Variants in ARHGAP6 observed in about 807,000 individuals in gnomAD.
The protein encoded by ARHGAP6 is Rho GTPase activating protein 6, also known as rho GTPase-activating protein 6.
In ARHGAP6, 16 loss-of-function variants were observed where a neutral mutation model predicts 55.7. That is an observed-to-expected ratio of 0.29 (90% CI 0.19 to 0.44). ARHGAP6 has a LOEUF of 0.44. Among genes scored for constraint, ARHGAP6 ranks in the 20% least tolerant of loss-of-function variants. The pLI is 1.00. For synonymous variants in ARHGAP6, 382 were observed against 360.9 expected, an observed-to-expected ratio of 1.06 and a Z score of -0.66; for missense variants, 698 against 808.9, an observed-to-expected ratio of 0.86 and a Z score of 1.66.
In ARHGAP6 at chrX:11,559,654, G is replaced by A. The variant is rs375772698; in HGVS notation, c.588+104587C>T. Reference sequence around the variant, plus strand: ...AACAAATAAAGTAGGAGGGCCGGGCGCGGTGGCTCACGCCTGTAATCCCAG... The same window carrying A: ...AACAAATAAAGTAGGAGGGCCGGGCACGGTGGCTCACGCCTGTAATCCCAG... On this transcript the variant is annotated intron_variant, in intron 1 of 12. Coordinates refer to ENST00000337414, the MANE Select transcript of ARHGAP6 (RefSeq NM_013427.3). Among the ~76,000 whole-genome samples, 32 of 111,328 alleles carry A rather than the reference G, an allele frequency of 2.9e-4. No individual in the cohort carries two copies. The East Asian group carries it at 3.9e-3, about 14-fold the overall frequency.
chrX:11,239,613 A>C (rs187410575), intron 2 of ARHGAP6, among the ~76,000 whole-genome samples: 4 of 111,486 alleles, frequency 3.6e-5, no homozygotes, highest in African/African-American at 1.3e-4. Context: ...TAGGTGGCTT[A>C]TTAGGTTGTT....
At chrX:11,533,504 C>T (rs917162083) in intron 1 of ARHGAP6, among the ~76,000 whole-genome samples, 2 of 112,274 alleles carry the variant, frequency 1.8e-5, no homozygotes, top group African/African-American at 6.5e-5. Context: ...ACTTTATACT[C>T]GTTATTGCTG....
chrX:11,661,522 G>T (rs780890055), intron 1 of ARHGAP6, among the ~76,000 whole-genome samples: 1 of 112,584 alleles, frequency 8.9e-6, no homozygotes, highest in Non-Finnish European at 1.9e-5. Context: ...GGGAGCAGGG[G>T]CTGTTGTATG....
intron 1 of ARHGAP6, among the ~76,000 whole-genome samples, chrX:11,535,619 AT>A (rs779582983): frequency 9.0e-6 from 1 of 110,854 alleles, no homozygotes; most frequent in Non-Finnish European, 1.9e-5. Flanking sequence ...AAGTCACCAT[AT>A]TTTTTCCCCA....
chrX:11,214,257 GCACACACA>G lies in ARHGAP6; in HGVS notation c.749-17269_749-17262del, dbSNP rs35340720. Among the ~76,000 whole-genome samples the G allele has an allele frequency of 1.9e-4, 19 of 100,964 alleles. No homozygotes were observed. In the South Asian group the frequency reaches 5.6e-3, roughly 30 times the overall value. 87.7% of individuals were successfully genotyped at this position (100,964 alleles called of 115,157 possible). On this transcript the variant is annotated intron_variant, in intron 2 of 12. Coordinates refer to ENST00000337414, the MANE Select transcript of ARHGAP6 (RefSeq NM_013427.3). ...ATATAAAAGGAAAACCTTTGCTTAA[GCACACACA>G]CACACACACACACACACACGTGTGT... is the stretch of plus-strand genomic sequence containing the variant.
At chrX:11,231,543 A>C (rs2047131118) in intron 2 of ARHGAP6, among the ~76,000 whole-genome samples, 1 of 112,155 alleles carries the variant, frequency 8.9e-6, no homozygotes, top group Non-Finnish European at 1.9e-5. Flanking sequence ...GAGGGAAAGG[A>C]CCATCTCATT....
At chrX:11,287,661 T>C (rs3788952) in intron 1 of ARHGAP6, among the ~76,000 whole-genome samples, 37,607 of 110,487 alleles carry the variant, frequency 0.34, 5,659 homozygotes, top group African/African-American at 0.58. Context: ...CCTCTGCTGC[T>C]GCCTAGCTGG....
chrX:11,218,335 T>C (rs1323857625), intron 2 of ARHGAP6, among the ~76,000 whole-genome samples: 1 of 112,038 alleles, frequency 8.9e-6, no homozygotes, highest in Admixed American at 9.5e-5. Context: ...TGATTCTTCG[T>C]AACCATGAGC....
chrX:11,220,219 G>C (rs1237985454), intron 2 of ARHGAP6, among the ~76,000 whole-genome samples: 1 of 111,052 alleles, frequency 9.0e-6, no homozygotes, highest in African/African-American at 3.3e-5. Flanking sequence ...CCTTATTTCT[G>C]AGGGCTCTGT....
chrX:11,304,881 A>C (rs1156334801), intron 1 of ARHGAP6, among the ~76,000 whole-genome samples: 1 of 99,986 alleles, frequency 1.0e-5, no homozygotes, highest in Admixed American at 1.1e-4. Flanking sequence ...CCACCTCCCA[A>C]ATTCAAGCGA....
chrX:11,640,547 A>G (rs1182092768), intron 1 of ARHGAP6, among the ~76,000 whole-genome samples: 1 of 111,841 alleles, frequency 8.9e-6, no homozygotes, highest in Non-Finnish European at 1.9e-5. Context: ...AGAAAATAAG[A>G]GGTTTGCTCA....
At chrX:11,408,370 G>T (rs985734973) in intron 1 of ARHGAP6, among the ~76,000 whole-genome samples, 3 of 111,795 alleles carry the variant, frequency 2.7e-5, no homozygotes, top group Admixed American at 9.5e-5. Context: ...CCACAAGTCT[G>T]CCAGGATTTC....
At chrX:11,492,890 T>C (rs1023158953) in intron 1 of ARHGAP6, among the ~76,000 whole-genome samples, 1 of 112,074 alleles carries the variant, frequency 8.9e-6, no homozygotes, top group African/African-American at 3.2e-5. Flanking sequence ...TTCCCAGCCT[T>C]GTCTCTTAAG....
At chrX:11,417,105 T>TATATATATATATATATAC (rs1406504776) in intron 1 of ARHGAP6, among the ~76,000 whole-genome samples, 1 of 75,867 alleles carries the variant, frequency 1.3e-5, no homozygotes, top group African/African-American at 5.3e-5. Flanking sequence ...TATATATATA[T>TATATATATATATATATAC]ACACATACAT....
intron 1 of ARHGAP6, among the ~76,000 whole-genome samples, chrX:11,318,945 G>C (rs186147729): frequency 1.8e-5 from 2 of 112,025 alleles, no homozygotes; most frequent in African/African-American, 6.5e-5. Flanking sequence ...AGACTTGATG[G>C]AACAAACACT....
At position 11,209,404 on chromosome X, in the gene ARHGAP6, C is replaced by G. The variant is rs184700996; in HGVS notation, c.749-12408G>C. On this transcript the variant is annotated intron_variant, in intron 2 of 12. Coordinates refer to ENST00000337414, the MANE Select transcript of ARHGAP6 (RefSeq NM_013427.3). ...AAATGATCTGCCTGTCTCAGCCTCCCAAATGGCTGGGATTACAGGTGTGAG... is the reference window on the plus strand; with the variant it reads ...AAATGATCTGCCTGTCTCAGCCTCCGAAATGGCTGGGATTACAGGTGTGAG... Among the ~76,000 whole-genome samples the G allele has an allele frequency of 4.6e-3, 517 of 112,112 alleles. 4 individuals are homozygous for G. The highest frequency in any genetic ancestry group is 0.016 in the African/African-American group (489 of 30,839).
chrX:11,644,473 A>AT (rs1179832714), intron 1 of ARHGAP6, among the ~76,000 whole-genome samples: 2 of 110,990 alleles, frequency 1.8e-5, no homozygotes, highest in Non-Finnish European at 3.8e-5. Context: ...TCTAGGAAGA[A>AT]TTTTCTTACA....
At chrX:11,197,363 TCAA>T (rs1336148605) in intron 2 of ARHGAP6, among the ~76,000 whole-genome samples, 2 of 112,408 alleles carry the variant, frequency 1.8e-5, no homozygotes, top group Non-Finnish European at 3.8e-5. Flanking sequence ...GAGAAGAGAA[TCAA>T]CAGCATGTAT....
chrX:11,607,250 A>G (rs1235789278), intron 1 of ARHGAP6, among the ~76,000 whole-genome samples: 1 of 111,951 alleles, frequency 8.9e-6, no homozygotes, highest in Non-Finnish European at 1.9e-5. Flanking sequence ...CTTATAGAGA[A>G]CCTTGTTTCT....
Sources: allele counts gnomAD v4.1 joint callset (sites outside exome capture counted in the v4.1 genomes callset), GRCh38; gene constraint gnomAD v4.1.1; transcripts MANE v1.5; gene names NCBI Gene and HGNC (gene_info 2026-07-23, HGNC 2026-07-21).